Variants in MRPS28 observed in about 807,000 individuals in gnomAD.
MRPS28 encodes the protein mitochondrial ribosomal protein S28.
In MRPS28, 7 loss-of-function variants were observed where a neutral mutation model predicts 10.8. That is an observed-to-expected ratio of 0.65 (90% CI 0.37 to 1.22). The LOEUF (loss-of-function observed/expected upper bound fraction) is 1.22. MRPS28 is among the 50% of genes most tolerant of loss of function. The probability of loss-of-function intolerance (pLI) is 0.02; values close to 1 mark genes in which losing one functional copy is unlikely to be tolerated. For missense variants in MRPS28, 265 were observed against 232.9 expected (o/e 1.14, Z -0.90); for synonymous variants, 121 against 93.3 (o/e 1.30, Z -1.71).
At chr8:79,967,610 T>C (rs1807533818) in intron 2 of MRPS28, among the ~76,000 whole-genome samples, 1 of 152,150 alleles carries the variant, frequency 6.6e-6, no homozygotes, top group South Asian at 2.1e-4. Flanking sequence ...GTGTGCAACG[T>C]GCTTTCTGAT....
At chr8:79,944,404 G>A (rs746218361) in intron 2 of MRPS28, among the ~76,000 whole-genome samples, 3 of 152,272 alleles carry the variant, frequency 2.0e-5, no homozygotes, top group East Asian at 1.9e-4. Context: ...CTCAGGTTAC[G>A]AGAACTACCT....
intron 2 of MRPS28, among the ~76,000 whole-genome samples, chr8:79,949,426 AAAC>A (rs1807022897): frequency 6.6e-6 from 1 of 151,648 alleles, no homozygotes; most frequent in Admixed American, 6.6e-5. Flanking sequence ...AAAAAAAAAA[AAAC>A]AACAACAAAA....
chr8:79,947,624 ATTAAGTTTTTTTT>A (rs1341329292), intron 2 of MRPS28, among the ~76,000 whole-genome samples: 36 of 143,830 alleles, frequency 2.5e-4, no homozygotes, highest in Admixed American at 6.8e-4. Flanking sequence ...TGTTAAATAT[ATTAAGTTTTTTTT>A]TTTTTTTTTT....
At chr8:79,969,572 T>A (rs1807578324) in intron 2 of MRPS28, among the ~76,000 whole-genome samples, 1 of 151,976 alleles carries the variant, frequency 6.6e-6, no homozygotes, top group Non-Finnish European at 1.5e-5. Context: ...ATTACTAAAG[T>A]CATATCTGAA....
At chr8:79,974,948 A>G (rs1461719566) in intron 2 of MRPS28, among the ~76,000 whole-genome samples, 1 of 152,194 alleles carries the variant, frequency 6.6e-6, no homozygotes, top group East Asian at 1.9e-4. Context: ...TACGGAGGGC[A>G]GTAGGAATCC....
At chr8:79,985,622 C>T (rs1808133386) in intron 2 of MRPS28, among the ~76,000 whole-genome samples, 1 of 152,268 alleles carries the variant, frequency 6.6e-6, no homozygotes, top group South Asian at 2.1e-4. Context: ...GAAATACAAA[C>T]TAACATCAGA....
At chr8:79,988,550 G>C (rs1033950046) in intron 2 of MRPS28, among the ~76,000 whole-genome samples, 7 of 151,880 alleles carry the variant, frequency 4.6e-5, no homozygotes, top group African/African-American at 1.7e-4. Context: ...ATGTTTTCAA[G>C]TATAGGACAA....
intron 2 of MRPS28, among the ~76,000 whole-genome samples, chr8:79,946,506 G>C (rs1806923732): frequency 6.6e-6 from 1 of 152,036 alleles, no homozygotes; most frequent in South Asian, 2.1e-4. Flanking sequence ...GCCAAAATTA[G>C]ACCTAGTTAT....
chr8:79,974,053 T>C (rs1264624670), intron 2 of MRPS28, among the ~76,000 whole-genome samples: 2 of 152,112 alleles, frequency 1.3e-5, no homozygotes, highest in African/African-American at 2.4e-5. Flanking sequence ...CCTAGAAATC[T>C]GAATTTTTAT....
At chr8:79,942,839 G>A (rs763444534) in intron 2 of MRPS28, among the ~76,000 whole-genome samples, 1 of 152,036 alleles carries the variant, frequency 6.6e-6, no homozygotes, top group Non-Finnish European at 1.5e-5. Context: ...AAAAATACAT[G>A]TTGTCTACAG....
At chr8:80,017,082 T>G (rs1013489704) in intron 1 of MRPS28, among the ~76,000 whole-genome samples, 1 of 152,190 alleles carries the variant, frequency 6.6e-6, no homozygotes, top group Non-Finnish European at 1.5e-5. Flanking sequence ...TTTAAAGGAA[T>G]AGAAATCATG....
intron 2 of MRPS28, among the ~76,000 whole-genome samples, chr8:79,997,615 A>G (rs1458022660): frequency 5.1e-5 from 7 of 137,274 alleles, no homozygotes; most frequent in Admixed American, 3.6e-4. Context: ...GAGATGGGGG[A>G]AAAAAAAAAA....
At chr8:79,959,086 A>G (rs1807304776) in intron 2 of MRPS28, among the ~76,000 whole-genome samples, 1 of 152,158 alleles carries the variant, frequency 6.6e-6, no homozygotes, top group Non-Finnish European at 1.5e-5. Context: ...CCTCTTTCAC[A>G]GTGTGAACTT....
intron 2 of MRPS28, among the ~76,000 whole-genome samples, chr8:79,985,904 G>A (rs940734502): frequency 1.7e-4 from 26 of 152,018 alleles, no homozygotes; most frequent in African/African-American, 6.3e-4. Flanking sequence ...GAAAAAGAGG[G>A]AATCCTCCCT....
intron 1 of MRPS28, 43 bp from the exon 2 acceptor site, chr8:80,003,223 G>A (rs764157678): frequency 7.5e-7 from 1 of 1,330,586 alleles, no homozygotes; most frequent in Non-Finnish European, 9.9e-7. Context: ...AACTCAACAT[G>A]AAGGTATAAT....
intron 2 of MRPS28, among the ~76,000 whole-genome samples, chr8:79,922,412 CATG>C (rs1403213882): frequency 1.3e-5 from 2 of 152,100 alleles, no homozygotes; most frequent in African/African-American, 4.8e-5. Flanking sequence ...TACTGTACAT[CATG>C]ATGATGACAA....
chr8:79,996,522 T>C (rs950518217), intron 2 of MRPS28, among the ~76,000 whole-genome samples: 9 of 152,288 alleles, frequency 5.9e-5, no homozygotes, highest in African/African-American at 1.7e-4. Context: ...TGGTTCTGGT[T>C]CATAGATTAA....
intron 1 of MRPS28, among the ~76,000 whole-genome samples, chr8:80,025,606 T>G (rs1291900402): frequency 6.6e-6 from 1 of 152,184 alleles, no homozygotes; most frequent in East Asian, 1.9e-4. Flanking sequence ...TATGTAATGA[T>G]AAGGAAAAAT....
chr8:80,028,141 A>C (rs1196915216), intron 1 of MRPS28, among the ~76,000 whole-genome samples: 3 of 152,242 alleles, frequency 2.0e-5, no homozygotes, highest in Non-Finnish European at 4.4e-5. Context: ...TTAACTTACT[A>C]TACATGTGAT....
Sources: gnomAD v4.1 joint callset for allele counts (sites outside exome capture counted in the v4.1 genomes callset) on GRCh38, gnomAD v4.1.1 for gene constraint, MANE v1.5 for transcripts, NCBI Gene and HGNC (gene_info 2026-07-23, HGNC 2026-07-21) for gene names.